CHCHD3: variants seen among roughly 807,000 people sequenced by gnomAD.
CHCHD3 encodes the protein MICOS complex subunit MIC19.
In CHCHD3, 20 loss-of-function variants were observed where a neutral mutation model predicts 38.2. The ratio of observed to expected loss-of-function variants is 0.52; its 90% CI spans 0.37 to 0.76. The LOEUF is 0.76. Among genes scored for constraint, CHCHD3 ranks in the 30% least tolerant of loss-of-function variants. The pLI is 0.00. For synonymous variants in CHCHD3, 82 were observed against 100.0 expected (o/e 0.82, Z 1.07); for missense variants, 245 against 279.2 (o/e 0.88, Z 0.87).
chr7:132,803,218 C>T (rs1806833268), intron 6 of CHCHD3, among the ~76,000 whole-genome samples: 1 of 152,116 alleles, frequency 6.6e-6, no homozygotes, highest in Non-Finnish European at 1.5e-5. Flanking sequence ...AAAAGATCCA[C>T]AGGTATTGGA....
chr7:133,022,319 T>C, intron 3 of CHCHD3: 3 of 451,896 alleles, frequency 6.6e-6, no homozygotes, highest in South Asian at 4.7e-5. Flanking sequence ...ACGCAGGGTA[T>C]ATACCATATG....
chr7:132,886,194 C>T (rs1179866990), intron 4 of CHCHD3, among the ~76,000 whole-genome samples: 2 of 151,982 alleles, frequency 1.3e-5, no homozygotes, highest in Non-Finnish European at 2.9e-5. Flanking sequence ...CAAATAAATA[C>T]ATACATTGTT....
chr7:132,822,624 A>G (rs998275638), intron 6 of CHCHD3, among the ~76,000 whole-genome samples: 1 of 152,176 alleles, frequency 6.6e-6, no homozygotes, highest in Non-Finnish European at 1.5e-5. Context: ...ATGAGGTATT[A>G]TATGTACATG....
intron 4 of CHCHD3, among the ~76,000 whole-genome samples, chr7:132,915,970 G>C (rs897109808): frequency 7.9e-5 from 11 of 139,554 alleles, no homozygotes; most frequent in African/African-American, 2.9e-4. Flanking sequence ...TTTTTTTTTT[G>C]GTAAAGCAAA....
chr7:132,925,248 A>G (rs1810346529), intron 4 of CHCHD3, among the ~76,000 whole-genome samples: 1 of 152,150 alleles, frequency 6.6e-6, no homozygotes, highest in African/African-American at 2.4e-5. Flanking sequence ...AAAAGAAAAA[A>G]AAAGGAGGGA....
chr7:132,902,732 G>A (rs974095233), intron 4 of CHCHD3, among the ~76,000 whole-genome samples: 7 of 152,022 alleles, frequency 4.6e-5, no homozygotes, highest in African/African-American at 7.3e-5. Flanking sequence ...ACCAGTTAAT[G>A]GGTGCAGCAC....
At chr7:132,886,738 G>GTA (rs1163825981) in intron 4 of CHCHD3, among the ~76,000 whole-genome samples, 1 of 151,020 alleles carries the variant, frequency 6.6e-6, no homozygotes, top group Non-Finnish European at 1.5e-5. Flanking sequence ...AATAAACAAA[G>GTA]TATATATATT....
At chr7:133,060,161 T>C (rs1390968308) in intron 2 of CHCHD3, among the ~76,000 whole-genome samples, 1 of 152,208 alleles carries the variant, frequency 6.6e-6, no homozygotes, top group Non-Finnish European at 1.5e-5. Context: ...CCTCTGAGAC[T>C]TCTTCTTTTC....
At chr7:133,031,299 A>C (rs540657477) in intron 2 of CHCHD3, among the ~76,000 whole-genome samples, 2 of 152,230 alleles carry the variant, frequency 1.3e-5, no homozygotes, top group Admixed American at 1.3e-4. Context: ...GGGGAGACAT[A>C]ATTATACATT....
At chr7:133,060,118 G>A (rs899473870) in intron 2 of CHCHD3, among the ~76,000 whole-genome samples, 4 of 152,192 alleles carry the variant, frequency 2.6e-5, no homozygotes, top group Non-Finnish European at 1.5e-5. Flanking sequence ...CTGAGAAAAT[G>A]AGGAAATGGC....
intron 1 of CHCHD3, among the ~76,000 whole-genome samples, chr7:133,078,701 C>A (rs1041911330): frequency 6.6e-6 from 1 of 152,198 alleles, no homozygotes; most frequent in Admixed American, 6.5e-5. Context: ...GTCGAACCAT[C>A]CTAACAGGAG....
At chr7:133,055,330 G>A (rs1814287310) in intron 2 of CHCHD3, among the ~76,000 whole-genome samples, 1 of 142,830 alleles carries the variant, frequency 7.0e-6, no homozygotes, top group South Asian at 2.2e-4. Context: ...ATATATAATT[G>A]TTATATATTT....
chr7:132,833,428 GGTAA>G (rs1473782029), intron 6 of CHCHD3, among the ~76,000 whole-genome samples: 3 of 152,088 alleles, frequency 2.0e-5, no homozygotes, highest in African/African-American at 7.2e-5. Context: ...CTGAAATCAT[GGTAA>G]GTAATATTTT....
intron 6 of CHCHD3, among the ~76,000 whole-genome samples, chr7:132,799,099 T>C (rs1009182755): frequency 6.6e-6 from 1 of 151,682 alleles, no homozygotes; most frequent in Non-Finnish European, 1.5e-5. Context: ...TCTGTATTAA[T>C]GATTTGATGG....
intron 3 of CHCHD3, among the ~76,000 whole-genome samples, chr7:132,975,644 T>C (rs1811744702): frequency 6.6e-6 from 1 of 152,280 alleles, no homozygotes; most frequent in African/African-American, 2.4e-5. Flanking sequence ...ACAAACCATC[T>C]AGGCCAGGCG....
chr7:132,862,558 G>C (rs1052754414), intron 5 of CHCHD3, among the ~76,000 whole-genome samples: 1 of 152,168 alleles, frequency 6.6e-6, no homozygotes, highest in Non-Finnish European at 1.5e-5. Flanking sequence ...TGGCTGCGGT[G>C]GTGGCCAAAT....
intron 3 of CHCHD3, among the ~76,000 whole-genome samples, chr7:132,997,552 C>A (rs13226471): frequency 1.3e-5 from 2 of 148,708 alleles, no homozygotes; most frequent in South Asian, 2.1e-4. Context: ...GAAAAAGATT[C>A]TTTTCTTTTC....
At chr7:132,930,163 A>ATTTTTTTTT (rs769791949) in intron 4 of CHCHD3, among the ~76,000 whole-genome samples, 1 of 127,502 alleles carries the variant, frequency 7.8e-6, no homozygotes, top group Non-Finnish European at 1.7e-5. Context: ...CCCACTCCTA[A>ATTTTTTTTT]TTTTTTTTTT....
chr7:132,957,513 C>T (rs535889221), intron 4 of CHCHD3, among the ~76,000 whole-genome samples: 37 of 152,180 alleles, frequency 2.4e-4, no homozygotes, highest in Middle Eastern at 3.4e-3. Context: ...GACAGAGTCT[C>T]ACTCTGTCAC....
Sources: allele counts gnomAD v4.1 joint callset (sites outside exome capture counted in the v4.1 genomes callset), GRCh38; gene constraint gnomAD v4.1.1; transcripts MANE v1.5; gene names NCBI Gene and HGNC (gene_info 2026-07-23, HGNC 2026-07-21).